CHD7: variants seen among roughly 807,000 people sequenced by gnomAD.
CHD7 encodes the protein chromodomain helicase DNA binding protein 7, also known as ATP-dependent chromatin remodeler CHD7.
A neutral mutation model predicts 307.3 loss-of-function variants in CHD7; 24 were observed. The observed-to-expected ratio is 0.08, with a 90% CI of 0.06 to 0.11. The LOEUF (loss-of-function observed/expected upper bound fraction) is 0.11. Among genes scored for constraint, CHD7 ranks in the 10% least tolerant of loss-of-function variants. The probability of loss-of-function intolerance (pLI) is 1.00; values close to 1 mark genes in which losing one functional copy is unlikely to be tolerated. For synonymous variants in CHD7, 1,363 were observed against 1,349.9 expected, an observed-to-expected ratio of 1.01 and a Z score of -0.21; for missense variants, 3,106 against 3,727.1, an observed-to-expected ratio of 0.83 and a Z score of 4.34.
chr8:60,832,637 T>C (rs935117181), intron 15 of CHD7, among the ~76,000 whole-genome samples: 3 of 152,218 alleles, frequency 2.0e-5, no homozygotes, highest in African/African-American at 7.2e-5. Context: ...AGGGTTTGAA[T>C]GCTACCAGCA....
chr8:60,809,668 G>GAAAAAAAAAAAAA (rs36108691), intron 7 of CHD7: 1 of 96,340 alleles, frequency 1.0e-5, no homozygotes, highest in Non-Finnish European at 2.0e-5. Flanking sequence ...AGGGAGTTTT[G>GAAAAAAAAAAAAA]AAAAAAAAAA....
chr8:60,865,086 G>A lies in CHD7; in HGVS notation c.8147G>A (p.Arg2716Lys). 1 of 1,610,446 alleles carries A rather than the reference G, an allele frequency of 6.2e-7. No homozygotes were observed. The highest frequency in any genetic ancestry group is 8.5e-7 in the Non-Finnish European group (1 of 1,178,340). ...GPVVRGEGAS[R>K]RGRRPKSEIA... ...GTAGTGCGGGGAGAGGGAGCGAGCAGAAGAGGAAGAAGGCCCAAAAGTGAG... is the reference window on the plus strand; with the variant it reads ...GTAGTGCGGGGAGAGGGAGCGAGCAAAAGAGGAAGAAGGCCCAAAAGTGAG... The change falls in exon 38 of 38, where the codon AGA becomes AAA. Residue 2716 changes from arginine (R) to lysine (K), a missense_variant. This residue lies in a region of CHD7 where 351 missense variants were observed against 366.2 expected (regional missense o/e 0.96). Transcript: ENST00000423902. This position sits in a 1 kb window ranked among gnomAD's most constrained non-coding sequence, Gnocchi z 4.3.
intron 13 of CHD7, among the ~76,000 whole-genome samples, chr8:60,827,125 A>G (rs1298125230): frequency 1.3e-5 from 2 of 152,204 alleles, no homozygotes; most frequent in East Asian, 1.9e-4. Context: ...GGGAAGCTGC[A>G]TAAGAAAGGA....
intron 1 of CHD7, among the ~76,000 whole-genome samples, chr8:60,740,120 C>T (rs1346679005): frequency 1.2e-4 from 18 of 152,160 alleles, no homozygotes; most frequent in Non-Finnish European, 1.8e-4. Context: ...TAATCTGACA[C>T]AGGATCTGTT....
chr8:60,865,557 C>G lies in CHD7; in HGVS notation c.8618C>G (p.Ser2873Cys). Residue 2873 changes from serine (S) to cysteine (C), a missense_variant, in exon 38 of 38, where the codon TCT (serine) becomes TGT (cysteine). Transcript: ENST00000423902. This position sits in a 1 kb window ranked among gnomAD's most constrained non-coding sequence, Gnocchi z 4.3. Reference protein sequence around the residue: ...AVSAADSANGSVGAATAPAGL... With the variant: ...AVSAADSANGCVGAATAPAGL... Reference sequence around the variant, plus strand: ...TCGGCTGCTGACTCTGCGAATGGATCTGTTGGTGCTGCTACTGCCCCGGCT... The same window carrying G: ...TCGGCTGCTGACTCTGCGAATGGATGTGTTGGTGCTGCTACTGCCCCGGCT... 3 of 1,614,060 alleles carry G rather than the reference C, an allele frequency of 1.9e-6. No individual in the cohort carries two copies. Among genetic ancestry groups the G allele is most frequent in the Non-Finnish European group, 2.5e-6 (3 of 1,179,904 alleles).
intron 2 of CHD7, among the ~76,000 whole-genome samples, chr8:60,749,506 CA>C (rs1407345042): frequency 6.7e-6 from 1 of 149,900 alleles, no homozygotes; most frequent in African/African-American, 2.5e-5. Flanking sequence ...CAGAAATAGA[CA>C]AAAATACCTT....
chr8:60,796,205 T>C (rs1812025857), intron 4 of CHD7, among the ~76,000 whole-genome samples: 1 of 152,232 alleles, frequency 6.6e-6, no homozygotes, highest in African/African-American at 2.4e-5. Flanking sequence ...GGTTTGGTTG[T>C]GTAACTAACA....
chr8:60,845,524 A>G lies in CHD7; in HGVS notation c.5210+115A>G, dbSNP rs143898806. On this transcript the variant is annotated intron_variant, in intron 23 of 37. Transcript: ENST00000423902. The stretch of plus-strand genomic sequence containing the variant: ...CAGAACTCGCAGATTTGGAGGGTCA[A>G]CTGAGGGACCTGAGCATCTGCGGAT... The G allele has an allele frequency of 4.6e-3, 5,370 of 1,160,346 alleles. 20 individuals are homozygous for G. Among genetic ancestry groups the G allele is most frequent in the Non-Finnish European group, 6.0e-3 (4,927 of 815,516 alleles). The allele number at this position is 1,160,346 out of a possible 1,614,324, so 71.9% of individuals were successfully genotyped here.
chr8:60,711,091 C>T (rs572700192), intron 1 of CHD7, among the ~76,000 whole-genome samples: 1 of 152,164 alleles, frequency 6.6e-6, no homozygotes, highest in African/African-American at 2.4e-5. Flanking sequence ...AACCTGTGTT[C>T]CCTACATTTC....
At chr8:60,858,442 G>A (rs1357029776) in intron 34 of CHD7, among the ~76,000 whole-genome samples, 1 of 152,194 alleles carries the variant, frequency 6.6e-6, no homozygotes, top group Non-Finnish European at 1.5e-5. Flanking sequence ...CTCAGACAGA[G>A]TTGTAGCACT....
rs767067759 is a variant in CHD7 at position 60,862,565 on chromosome 8, G to A, written c.7989G>A (p.Ala2663=). Residue 2663 remains alanine, a synonymous_variant, in exon 37 of 38, where the codon GCG becomes GCA. Coordinates refer to ENST00000423902, the MANE Select transcript of CHD7 (RefSeq NM_017780.4). ...CTACCCAGATGGGTGGAGCTATGGC[G>A]CCTCCAATGAAGGATCTACCCAGGT... ...RNGKKMGGAM[A]PPMKDLPRWL... 82 of 1,573,950 alleles carry A rather than the reference G, an allele frequency of 5.2e-5. No individual in the cohort carries two copies. Among genetic ancestry groups the A allele is most frequent in the Admixed American group, 9.2e-5 (5 of 54,458 alleles).
intron 7 of CHD7, among the ~76,000 whole-genome samples, 166 bp from the exon 8 acceptor site, chr8:60,816,221 C>T (rs1178360960): frequency 2.0e-5 from 3 of 151,900 alleles, no homozygotes; most frequent in Non-Finnish European, 4.4e-5. Flanking sequence ...TTGATTTTCT[C>T]TTCTTATTCT....
At chr8:60,722,233 C>T (rs1227153477) in intron 1 of CHD7, among the ~76,000 whole-genome samples, 3 of 152,098 alleles carry the variant, frequency 2.0e-5, no homozygotes, top group Admixed American at 6.6e-5. Flanking sequence ...CTTTTTCTGG[C>T]CCTGCCCTGT....
In CHD7 at chr8:60,788,255, CT is replaced by C. The variant is rs535258957; in HGVS notation, c.2097-6722del. On this transcript the variant is annotated intron_variant, in intron 3 of 37. Coordinates refer to ENST00000423902, the MANE Select transcript of CHD7 (RefSeq NM_017780.4). The stretch of plus-strand genomic sequence containing the variant: ...CCTCCCTCCTCCCACCTCAGTCTCT[CT>C]TTTTTTTTATTTTTATTTTTTGATT... Among the ~76,000 whole-genome samples, 335 of 151,178 alleles carry C rather than the reference CT, an allele frequency of 2.2e-3. 2 individuals carry two copies. Among genetic ancestry groups the C allele is most frequent in the African/African-American group, 7.8e-3 (321 of 41,220 alleles).
At chr8:60,848,896 G>T (rs1297663347) in intron 24 of CHD7, among the ~76,000 whole-genome samples, 155 bp from the exon 25 acceptor site, 1 of 152,152 alleles carries the variant, frequency 6.6e-6, no homozygotes, top group African/African-American at 2.4e-5. Context: ...ATGGCAGAGG[G>T]CTACTGACTC....
At chr8:60,819,015 G>A (rs1803890066) in intron 8 of CHD7, among the ~76,000 whole-genome samples, 1 of 152,134 alleles carries the variant, frequency 6.6e-6, no homozygotes, top group Non-Finnish European at 1.5e-5. Context: ...GTGCAGTGGT[G>A]CGATCTCGGC....
In CHD7 at chr8:60,862,538, C is replaced by A; in HGVS notation, c.7972-10C>A. On this transcript the variant is annotated splice_polypyrimidine_tract_variant and intron_variant, in intron 36 of 37. Coordinates refer to ENST00000423902, the MANE Select transcript of CHD7 (RefSeq NM_017780.4). ...GTGTTTTTAATCATTTGTCAAATGC[C>A]TCTACCCAGATGGGTGGAGCTATGG... The A allele has an allele frequency of 1.3e-6, 2 of 1,560,142 alleles. No homozygotes were observed. The highest frequency in any genetic ancestry group is 1.7e-6 in the Non-Finnish European group (2 of 1,150,812).
At chr8:60,743,192 T>A in intron 2 of CHD7, 95 bp downstream of exon 2, 1 of 1,050,962 alleles carries the variant, frequency 9.5e-7, no homozygotes, top group Non-Finnish European at 1.4e-6. Flanking sequence ...TATGAAAAGC[T>A]TTTTCATTAT....
chr8:60,782,276 C>T (rs1367675999), intron 3 of CHD7, among the ~76,000 whole-genome samples: 1 of 152,180 alleles, frequency 6.6e-6, no homozygotes. Flanking sequence ...ACACGCCCAC[C>T]CCATACCCTC....
Sources: allele counts gnomAD v4.1 joint callset (sites outside exome capture counted in the v4.1 genomes callset), GRCh38; gene constraint gnomAD v4.1.1; regional missense constraint gnomAD v4.1.1; non-coding constraint Gnocchi (gnomAD v3.1); transcripts MANE v1.5; gene names NCBI Gene and HGNC (gene_info 2026-07-23, HGNC 2026-07-21).